NRCAM: variants seen among roughly 807,000 people sequenced by gnomAD.
The protein encoded by NRCAM is neuronal cell adhesion molecule.
A neutral mutation model predicts 156.5 loss-of-function variants in NRCAM; 83 were observed. That is an observed-to-expected ratio of 0.53 (90% CI 0.44 to 0.64). The LOEUF (loss-of-function observed/expected upper bound fraction) is 0.64. Among genes scored for constraint, NRCAM ranks in the 30% least tolerant of loss-of-function variants. The probability of loss-of-function intolerance (pLI) is 0.00; values close to 1 mark genes in which losing one functional copy is unlikely to be tolerated. For missense variants in NRCAM, 1,417 were observed against 1,597.3 expected, an observed-to-expected ratio of 0.89 and a Z score of 1.92; for synonymous variants, 538 against 563.9, an observed-to-expected ratio of 0.95 and a Z score of 0.65.
rs1343206312 is a variant in NRCAM at position 108,415,813 on chromosome 7, T to C, written c.-331-16220A>G. The stretch of plus-strand genomic sequence containing the variant: ...AGGACAGTCACTAGAACACAGGAGA[T>C]GGAGGTTGCAGTGAGCTGATATCAC... On this transcript the variant is annotated intron_variant, in intron 1 of 32. Transcript: ENST00000379028. 2.0e-5 allele frequency among the ~76,000 whole-genome samples: 3 copies of C among 152,132 alleles called. No individual in the cohort carries two copies. The East Asian group carries it at 5.8e-4, about 29-fold the overall frequency.
chr7:108,179,657 C>A (rs2062441528), intron 25 of NRCAM, among the ~76,000 whole-genome samples: 1 of 152,178 alleles, frequency 6.6e-6, no homozygotes. Flanking sequence ...TCCTTACTCT[C>A]TCCCTTGCAG....
At chr7:108,206,206 AC>A (rs1459761644) in intron 13 of NRCAM, among the ~76,000 whole-genome samples, 1 of 152,256 alleles carries the variant, frequency 6.6e-6, no homozygotes, top group East Asian at 1.9e-4. Flanking sequence ...CGACTCAGTC[AC>A]CCTGCAGTTG....
chr7:108,183,787 G>A (rs766322791), intron 22 of NRCAM, among the ~76,000 whole-genome samples: 16 of 152,066 alleles, frequency 1.1e-4, no homozygotes, highest in South Asian at 2.1e-4. Context: ...TGCCCGCCTC[G>A]GCCTCCCAAA....
At chr7:108,157,825 T>G (rs1563180037) in intron 32 of NRCAM, among the ~76,000 whole-genome samples, 1 of 152,076 alleles carries the variant, frequency 6.6e-6, no homozygotes, top group East Asian at 1.9e-4. Context: ...CATGATAATG[T>G]AGAACAGGAA....
At position 108,151,083 on chromosome 7, in the gene NRCAM, C is replaced by T. The variant is rs146458763; in HGVS notation, c.3678-936G>A. On this transcript the variant is annotated intron_variant, in intron 32 of 32. Coordinates refer to ENST00000379028, the MANE Select transcript of NRCAM (RefSeq NM_001037132.4). Reference sequence around the variant, plus strand: ...CAAGATTCCATTATTACAATTTTTGCTTATTTCTCTGTTGAACCCGTAAGC... The same window carrying T: ...CAAGATTCCATTATTACAATTTTTGTTTATTTCTCTGTTGAACCCGTAAGC... Among the ~76,000 whole-genome samples the T allele has an allele frequency of 9.8e-3, 1,497 of 152,182 alleles. 5 individuals carry two copies. The highest frequency in any genetic ancestry group is 0.015 in the Non-Finnish European group (1,036 of 67,974).
intron 2 of NRCAM, among the ~76,000 whole-genome samples, chr7:108,344,490 G>GAA (rs35508280): frequency 3.3e-5 from 5 of 151,232 alleles, no homozygotes; most frequent in South Asian, 4.2e-4. Flanking sequence ...TCTTGCAACT[G>GAA]AAAAAAAACC....
chr7:108,251,852 T>C lies in NRCAM; in HGVS notation c.-106-11682A>G, dbSNP rs184283809. On this transcript the variant is annotated intron_variant, in intron 3 of 32. Transcript: ENST00000379028. ...GTTGGATAATATGAGAGGCAACATTTTGGGGAGAAGGTGATTCAAAAGCCT... is the reference window on the plus strand; with the variant it reads ...GTTGGATAATATGAGAGGCAACATTCTGGGGAGAAGGTGATTCAAAAGCCT... Among the ~76,000 whole-genome samples the C allele has an allele frequency of 2.1e-3, 322 of 152,222 alleles. 2 individuals are homozygous for C. Among genetic ancestry groups the C allele is most frequent in the African/African-American group, 7.4e-3 (307 of 41,528 alleles).
At chr7:108,448,564 C>A (rs1356505587) in intron 1 of NRCAM, among the ~76,000 whole-genome samples, 1 of 152,194 alleles carries the variant, frequency 6.6e-6, no homozygotes, top group Non-Finnish European at 1.5e-5. Context: ...GGAAGAATTT[C>A]AAATTACCCA....
chr7:108,201,497 G>C (rs1373484228), intron 13 of NRCAM, among the ~76,000 whole-genome samples: 1 of 152,176 alleles, frequency 6.6e-6, no homozygotes, highest in African/African-American at 2.4e-5. Context: ...CTGAAGATCT[G>C]TTGCACAATG....
intron 24 of NRCAM, 70 bp from the exon 25 acceptor site, chr7:108,180,497 G>C: frequency 7.9e-7 from 1 of 1,269,558 alleles, no homozygotes; most frequent in East Asian, 2.3e-5. Context: ...TCACAAAATT[G>C]AAACTGTTGT....
At chr7:108,360,433 G>C (rs1163661994) in intron 2 of NRCAM, among the ~76,000 whole-genome samples, 1 of 152,218 alleles carries the variant, frequency 6.6e-6, no homozygotes, top group East Asian at 1.9e-4. Flanking sequence ...GGGGTTGCAG[G>C]GTGGGGGATA....
At chr7:108,203,774 G>C (rs563628684) in intron 13 of NRCAM, among the ~76,000 whole-genome samples, 90 of 152,316 alleles carry the variant, frequency 5.9e-4, no homozygotes, top group African/African-American at 2.0e-3. Context: ...CAGTAGTTCA[G>C]AAGCACAGCT....
chr7:108,265,290 G>GC (rs904425376), intron 3 of NRCAM, among the ~76,000 whole-genome samples: 7 of 152,190 alleles, frequency 4.6e-5, no homozygotes, highest in Non-Finnish European at 1.0e-4. Context: ...GAATATCCTT[G>GC]CCCCTGGGGG....
intron 13 of NRCAM, among the ~76,000 whole-genome samples, chr7:108,204,846 C>T (rs1236131834): frequency 6.6e-6 from 1 of 152,172 alleles, no homozygotes; most frequent in Non-Finnish European, 1.5e-5. Context: ...TTCTTCTCTA[C>T]CTACTCAGAC....
chr7:108,238,029 G>C (rs2095248306), intron 4 of NRCAM, among the ~76,000 whole-genome samples: 1 of 152,174 alleles, frequency 6.6e-6, no homozygotes, highest in African/African-American at 2.4e-5. Flanking sequence ...AGGCAAACGA[G>C]TTCTTCCAGG....
At chr7:108,357,165 C>T (rs1157122134) in intron 2 of NRCAM, among the ~76,000 whole-genome samples, 2 of 152,188 alleles carry the variant, frequency 1.3e-5, no homozygotes, top group African/African-American at 4.8e-5. Flanking sequence ...GGGCAAAAGT[C>T]TCCATTGGGA....
chr7:108,436,083 G>A (rs770562325), intron 1 of NRCAM, among the ~76,000 whole-genome samples: 4 of 152,214 alleles, frequency 2.6e-5, no homozygotes, highest in Non-Finnish European at 5.9e-5. Flanking sequence ...GCAGTGAGCC[G>A]AGATGGCGCC....
chr7:108,428,371 G>GT (rs1200011503), intron 1 of NRCAM, among the ~76,000 whole-genome samples: 3 of 152,152 alleles, frequency 2.0e-5, no homozygotes, highest in Non-Finnish European at 4.4e-5. Flanking sequence ...TTTTTGCCCT[G>GT]TTTTTTCTTC....
intron 1 of NRCAM, among the ~76,000 whole-genome samples, chr7:108,453,946 C>T (rs554052731): frequency 8.4e-4 from 128 of 152,218 alleles, no homozygotes; most frequent in Non-Finnish European, 1.5e-3. Flanking sequence ...TGAGGAGTAA[C>T]TCATTTGCAG....
Sources: gnomAD v4.1 joint callset for allele counts (sites outside exome capture counted in the v4.1 genomes callset) on GRCh38, gnomAD v4.1.1 for gene constraint, MANE v1.5 for transcripts, NCBI Gene and HGNC (gene_info 2026-07-23, HGNC 2026-07-21) for gene names.